VOPP1: variants seen among roughly 807,000 people sequenced by gnomAD.
VOPP1 encodes the protein WW domain binding protein VOPP1.
A neutral mutation model predicts 23.5 loss-of-function variants in VOPP1; 8 were observed. That is an observed-to-expected ratio of 0.34 (90% CI 0.20 to 0.61). The LOEUF is 0.61. Ranked by LOEUF, VOPP1 falls within the 20% of genes least tolerant of loss-of-function variation. The pLI is 0.78. For missense variants in VOPP1, 174 were observed against 238.1 expected (o/e 0.73, Z 1.77); for synonymous variants, 83 against 97.3 (o/e 0.85, Z 0.86).
chr7:55,567,562 C>T (rs779444614), intron 1 of VOPP1, among the ~76,000 whole-genome samples: 29 of 152,288 alleles, frequency 1.9e-4, no homozygotes, highest in Non-Finnish European at 3.8e-4. Flanking sequence ...ATTTACCCTC[C>T]GTTAGCCTTT....
At chr7:55,566,229 T>C (rs532621024) in intron 1 of VOPP1, among the ~76,000 whole-genome samples, 1 of 152,172 alleles carries the variant, frequency 6.6e-6, no homozygotes, top group Non-Finnish European at 1.5e-5. Flanking sequence ...GGGAAAAAAC[T>C]TTCACTATGA....
chr7:55,439,139 G>A (rs182488487), intron 4 of VOPP1, among the ~76,000 whole-genome samples: 2 of 152,080 alleles, frequency 1.3e-5, no homozygotes, highest in East Asian at 1.9e-4. Context: ...TTTGCTTATC[G>A]ATGTTATTTA....
intron 4 of VOPP1, among the ~76,000 whole-genome samples, chr7:55,486,840 G>A (rs912670584): frequency 2.6e-5 from 4 of 152,294 alleles, no homozygotes; most frequent in African/African-American, 7.2e-5. Context: ...GCAGCACAGG[G>A]CAGGCAATGA....
At chr7:55,538,536 T>G in intron 1 of VOPP1, 2 of 1,356,988 alleles carry the variant, frequency 1.5e-6, no homozygotes, top group Non-Finnish European at 2.0e-6. Context: ...GACTGAGGAT[T>G]CCACAGTCCA....
At chr7:55,497,553 A>ACGGGGGG (rs1794041370) in intron 3 of VOPP1, 60 bp downstream of exon 3, 2 of 936,974 alleles carry the variant, frequency 2.1e-6, no homozygotes, top group Non-Finnish European at 1.4e-6. Flanking sequence ...GACAACACTG[A>ACGGGGGG]TGGGGGGGGG....
intron 2 of VOPP1, among the ~76,000 whole-genome samples, chr7:55,510,030 C>A (rs577122125): frequency 2.5e-4 from 38 of 152,268 alleles, no homozygotes; most frequent in African/African-American, 8.4e-4. Context: ...GAGGGTCAGG[C>A]TGCTATTTCT....
At chr7:55,503,293 C>T (rs530299703) in intron 2 of VOPP1, among the ~76,000 whole-genome samples, 60 of 152,286 alleles carry the variant, frequency 3.9e-4, no homozygotes, top group Non-Finnish European at 6.5e-4. Flanking sequence ...GTCAGAGCAA[C>T]AAACAAATGC....
chr7:55,457,863 A>G (rs186418635), intron 4 of VOPP1, among the ~76,000 whole-genome samples: 2 of 152,180 alleles, frequency 1.3e-5, no homozygotes, highest in African/African-American at 4.8e-5. Context: ...TTGGATAAAT[A>G]GTTTGCACAT....
chr7:55,542,062 G>A (rs1211833871), intron 1 of VOPP1, among the ~76,000 whole-genome samples: 1 of 152,208 alleles, frequency 6.6e-6, no homozygotes, highest in Non-Finnish European at 1.5e-5. Flanking sequence ...GATGGCATGT[G>A]AACGACATCT....
chr7:55,455,690 T>C (rs1042691391), intron 4 of VOPP1, among the ~76,000 whole-genome samples: 4 of 151,862 alleles, frequency 2.6e-5, no homozygotes, highest in Non-Finnish European at 5.9e-5. Context: ...CTGACAAAAA[T>C]AAGCAATGGG....
At chr7:55,552,702 C>G in intron 1 of VOPP1, 1 of 1,535,966 alleles carries the variant, frequency 6.5e-7, no homozygotes, top group Non-Finnish European at 8.7e-7. Context: ...CCTGGAGCCC[C>G]AGCCCCTCCG....
At chr7:55,439,578 G>A (rs188351069) in intron 4 of VOPP1, among the ~76,000 whole-genome samples, 2 of 152,374 alleles carry the variant, frequency 1.3e-5, no homozygotes, top group African/African-American at 4.8e-5. Context: ...TATAACACAG[G>A]ACGCAGTGGA....
intron 2 of VOPP1, among the ~76,000 whole-genome samples, chr7:55,512,204 T>C (rs1476416187): frequency 6.6e-6 from 1 of 152,128 alleles, no homozygotes; most frequent in East Asian, 1.9e-4. Context: ...GGCAGGCGGA[T>C]CACTTGAGGT....
intron 4 of VOPP1, among the ~76,000 whole-genome samples, chr7:55,486,094 C>T (rs542801392): frequency 7.2e-5 from 11 of 152,320 alleles, no homozygotes; most frequent in South Asian, 6.2e-4. Context: ...CCAGAGGCTC[C>T]GGCTCCACCT....
At chr7:55,501,341 CTA>C (rs1794352638) in intron 2 of VOPP1, among the ~76,000 whole-genome samples, 1 of 152,234 alleles carries the variant, frequency 6.6e-6, no homozygotes, top group Non-Finnish European at 1.5e-5. Flanking sequence ...GCACAAAAAT[CTA>C]TGTGTGCCAG....
intron 2 of VOPP1, among the ~76,000 whole-genome samples, chr7:55,508,105 T>C (rs1292851871): frequency 6.6e-6 from 1 of 152,196 alleles, no homozygotes; most frequent in Non-Finnish European, 1.5e-5. Context: ...TCACTAATAT[T>C]AGCAGACCAA....
chr7:55,518,543 T>A (rs1030727617), intron 2 of VOPP1, among the ~76,000 whole-genome samples: 7 of 152,092 alleles, frequency 4.6e-5, no homozygotes, highest in African/African-American at 1.7e-4. Flanking sequence ...AGGAACAAAC[T>A]TTTATGGGGA....
chr7:55,521,742 G>A, intron 1 of VOPP1: 1 of 986,394 alleles, frequency 1.0e-6, no homozygotes, highest in Non-Finnish European at 1.2e-6. Context: ...GGCAGGGCAG[G>A]GCAGGGCAGG....
intron 2 of VOPP1, among the ~76,000 whole-genome samples, chr7:55,508,959 C>A (rs1794902944): frequency 6.6e-6 from 1 of 152,162 alleles, no homozygotes; most frequent in South Asian, 2.1e-4. Context: ...GAGAGGATCG[C>A]TTGAGTCAAG....
Sources: allele counts gnomAD v4.1 joint callset (sites outside exome capture counted in the v4.1 genomes callset), GRCh38; gene constraint gnomAD v4.1.1; transcripts MANE v1.5; gene names NCBI Gene and HGNC (gene_info 2026-07-23, HGNC 2026-07-21).